Variants in TRIM2 observed in about 807,000 individuals in gnomAD.
TRIM2 encodes the protein tripartite motif containing 2, also known as tripartite motif-containing protein 2.
In TRIM2, 20 loss-of-function variants were observed where a neutral mutation model predicts 75.2. The observed-to-expected ratio is 0.27, with a 90% CI of 0.19 to 0.39. The LOEUF is 0.39. TRIM2 is among the 10% of genes least tolerant of loss of function. The probability of loss-of-function intolerance (pLI) is 1.00; values close to 1 mark genes in which losing one functional copy is unlikely to be tolerated. For missense variants in TRIM2, 660 were observed against 990.8 expected, an observed-to-expected ratio of 0.67 and a Z score of 4.48; for synonymous variants, 373 against 388.3, an observed-to-expected ratio of 0.96 and a Z score of 0.46.
chr4:153,279,291 C>T lies in TRIM2; in HGVS notation c.453+3161C>T, dbSNP rs1341251592. 5.3e-5 allele frequency among the ~76,000 whole-genome samples: 8 copies of T among 152,136 alleles called. No homozygotes were observed. The East Asian group carries it at 5.8e-4, about 11-fold the overall frequency. ...AGTCTGTTAAGCTAAGCTATTAGAT[C>T]GTGAGAACTTCAGCAACTAAAATTA... On this transcript the variant is annotated intron_variant, in intron 3 of 11. Coordinates refer to ENST00000338700, the MANE Select transcript of TRIM2 (RefSeq NM_015271.5).
chr4:153,190,801 G>A (rs763435748), intron 1 of TRIM2, among the ~76,000 whole-genome samples: 1 of 152,196 alleles, frequency 6.6e-6, no homozygotes, highest in East Asian at 1.9e-4. Flanking sequence ...GCAGTGGCAC[G>A]ATTTCAGCTC....
chr4:153,271,007 A>G lies in TRIM2; in HGVS notation c.215+488A>G, dbSNP rs566505655. Among the ~76,000 whole-genome samples the G allele has an allele frequency of 3.3e-5, 5 of 152,354 alleles. 1 individual carries two copies. In the South Asian group the frequency reaches 1.0e-3, roughly 32 times the overall value. ...ACATTTGAATGCTATGATGTTTTAG[A>G]TAAAGAAAAAATATATATTAAATAA... is the stretch of plus-strand genomic sequence containing the variant. On this transcript the variant is annotated intron_variant, in intron 2 of 11. Transcript: ENST00000338700.
intron 1 of TRIM2, among the ~76,000 whole-genome samples, chr4:153,238,681 C>G (rs1465695466): frequency 6.6e-6 from 1 of 152,186 alleles, no homozygotes; most frequent in Non-Finnish European, 1.5e-5. Context: ...AGGCAACAAG[C>G]CTGGAGCCAA....
intron 1 of TRIM2, among the ~76,000 whole-genome samples, chr4:153,190,429 C>T (rs980989361): frequency 5.3e-5 from 8 of 152,222 alleles, no homozygotes; most frequent in Admixed American, 5.2e-4. Flanking sequence ...TATGATTTAT[C>T]TCTGTATTCT....
Position 153,328,579 on chromosome 4 carries a change from A to T in TRIM2, c.2072A>T (p.Glu691Val). Residue 691 changes from glutamate to valine, a missense_variant, in exon 11 of 12, where the codon GAA becomes GTA. Transcript: ENST00000338700. ...ATGTTGAAGTTTGGCTCAAATGGAG[A>T]AGGAAATGGGCAGTTTAATGCTCCA... Reference protein sequence around the residue: ...EFMLKFGSNGEGNGQFNAPTG... With the variant: ...EFMLKFGSNGVGNGQFNAPTG... 6.2e-7 allele frequency: 1 copy of T among 1,613,062 alleles called. No homozygotes were observed. The highest frequency in any genetic ancestry group is 1.3e-5 in the African/African-American group (1 of 75,004).
intron 10 of TRIM2, among the ~76,000 whole-genome samples, chr4:153,328,265 A>G (rs1167608954): frequency 1.3e-5 from 2 of 152,358 alleles, no homozygotes; most frequent in East Asian, 3.8e-4. Context: ...TTTATAACAA[A>G]GGTATCATTC....
At position 153,250,321 on chromosome 4, in the gene TRIM2, T is replaced by C. The variant is rs145453507; in HGVS notation, c.31-20014T>C. 4.1e-3 allele frequency among the ~76,000 whole-genome samples: 617 copies of C among 152,266 alleles called. 4 individuals are homozygous for C. The highest frequency in any genetic ancestry group is 0.012 in the African/African-American group (513 of 41,542). On this transcript the variant is annotated intron_variant, in intron 1 of 11. Coordinates refer to ENST00000338700, the MANE Select transcript of TRIM2 (RefSeq NM_015271.5). ...TTTTAGTAGTGACGGGGTTTTGCCA[T>C]GTTGACCAGGCTGGTCTCGAGCGCC... is the stretch of plus-strand genomic sequence containing the variant.
intron 1 of TRIM2, among the ~76,000 whole-genome samples, chr4:153,175,328 T>C (rs1320977256): frequency 1.3e-5 from 2 of 151,760 alleles, no homozygotes; most frequent in African/African-American, 4.8e-5. Context: ...CCCCAACTGG[T>C]GCAGTTTTTT....
intron 1 of TRIM2, among the ~76,000 whole-genome samples, chr4:153,246,674 G>A (rs1474619083): frequency 6.6e-6 from 1 of 152,140 alleles, no homozygotes; most frequent in Admixed American, 6.5e-5. Context: ...GGGAGAAAGG[G>A]GGAGGAAGAA....
At chr4:153,269,809 A>G (rs953794185) in intron 1 of TRIM2, among the ~76,000 whole-genome samples, 3 of 152,306 alleles carry the variant, frequency 2.0e-5, no homozygotes, top group South Asian at 4.2e-4. Flanking sequence ...TGAGGATTTT[A>G]TTGATTTACA....
In TRIM2 at chr4:153,335,049, A is replaced by G. The variant is rs937969076; in HGVS notation, c.*83A>G. ...CTCAATGCGGGACCAGATTATGACTAGAGTTTTTATGCCAGAAGGAATCAT... is the reference window on the plus strand; with the variant it reads ...CTCAATGCGGGACCAGATTATGACTGGAGTTTTTATGCCAGAAGGAATCAT... On this transcript the variant is annotated 3_prime_UTR_variant, in exon 12 of 12. Transcript: ENST00000338700. 1.8e-5 allele frequency: 25 copies of G among 1,359,478 alleles called. No homozygotes were observed. Among genetic ancestry groups the G allele is most frequent in the South Asian group, 2.2e-5 (1 of 45,674 alleles). 84.2% of individuals were successfully genotyped at this position (1,359,478 alleles called of 1,614,324 possible). A position where few individuals can be genotyped will look rare whatever the true frequency, so the allele number is the denominator to read the frequency against.
At chr4:153,205,038 T>A (rs1735015644) in intron 1 of TRIM2, among the ~76,000 whole-genome samples, 1 of 152,194 alleles carries the variant, frequency 6.6e-6, no homozygotes, top group Non-Finnish European at 1.5e-5. Context: ...TAAATAGGTC[T>A]ATTCAGAAAT....
intron 1 of TRIM2, among the ~76,000 whole-genome samples, chr4:153,268,839 A>G (rs1755937023): frequency 6.6e-6 from 1 of 152,162 alleles, no homozygotes; most frequent in East Asian, 1.9e-4. Context: ...TCTCTGAATT[A>G]ATTCACTTCA....
chr4:153,308,435 A>C (rs1226024356), intron 6 of TRIM2: 1 of 811,660 alleles, frequency 1.2e-6, no homozygotes. Context: ...GCTCAGAAGC[A>C]TCATACTGAG....
chr4:153,165,797 T>C (rs1192092683), intron 1 of TRIM2, among the ~76,000 whole-genome samples: 1 of 152,166 alleles, frequency 6.6e-6, no homozygotes, highest in Non-Finnish European at 1.5e-5. Flanking sequence ...TTTCCTTCCT[T>C]ATGAACTATT....
At chr4:153,331,947 G>C (rs1008133147) in intron 11 of TRIM2, among the ~76,000 whole-genome samples, 2 of 151,588 alleles carry the variant, frequency 1.3e-5, no homozygotes, top group African/African-American at 4.8e-5. Flanking sequence ...CCACCACAGA[G>C]GAAAAAAAGA....
intron 1 of TRIM2, among the ~76,000 whole-genome samples, chr4:153,170,022 C>G (rs1309631818): frequency 6.6e-6 from 1 of 152,190 alleles, no homozygotes; most frequent in East Asian, 1.9e-4. Flanking sequence ...GCGCCTGCAG[C>G]TGGGATGTGG....
At chr4:153,197,151 C>G (rs1733862430) in intron 1 of TRIM2, among the ~76,000 whole-genome samples, 1 of 152,130 alleles carries the variant, frequency 6.6e-6, no homozygotes, top group African/African-American at 2.4e-5. Context: ...CTTTCTTTCT[C>G]AAAGAAATAT....
At chr4:153,155,585 G>C (rs887843317) in intron 1 of TRIM2, among the ~76,000 whole-genome samples, 13 of 152,238 alleles carry the variant, frequency 8.5e-5, no homozygotes, top group African/African-American at 3.1e-4. Flanking sequence ...ATTTTGATTG[G>C]ATATAATGAA....
Sources: allele counts gnomAD v4.1 joint callset (sites outside exome capture counted in the v4.1 genomes callset), GRCh38; gene constraint gnomAD v4.1.1; transcripts MANE v1.5; gene names NCBI Gene and HGNC (gene_info 2026-07-23, HGNC 2026-07-21).